The following BASP1 variants were observed in gnomAD, a reference collection of about 807,000 sequenced individuals.
BASP1 encodes the protein brain acid soluble protein 1.
A neutral mutation model predicts 2.2 loss-of-function variants in BASP1; 1 was observed. That is an observed-to-expected ratio of 0.46 (90% CI 0.16 to 2.17). BASP1 has a LOEUF of 2.17. BASP1 is among the 30% of genes most tolerant of loss of function. BASP1 has a pLI of 0.27. For missense variants in BASP1, 352 were observed against 327.2 expected (o/e 1.08, Z -0.58); for synonymous variants, 187 against 154.2 (o/e 1.21, Z -1.58).
chr5:17,273,509 C>T (rs1740571734), intron 1 of BASP1, among the ~76,000 whole-genome samples: 1 of 152,130 alleles, frequency 6.6e-6, no homozygotes, highest in South Asian at 2.1e-4. Flanking sequence ...CTTCCCCCAA[C>T]TACTGAAGTC....
chr5:17,268,366 A>C (rs961229477), intron 1 of BASP1, among the ~76,000 whole-genome samples: 2 of 152,202 alleles, frequency 1.3e-5, no homozygotes, highest in African/African-American at 4.8e-5. Context: ...ATTTTAATAC[A>C]GTAGGCTGTG....
intron 1 of BASP1, among the ~76,000 whole-genome samples, chr5:17,247,044 G>T (rs1010647): frequency 0.036 from 5,485 of 152,204 alleles, 179 homozygotes; most frequent in Admixed American, 0.098. Flanking sequence ...AAAAATAGCT[G>T]GGCATGGTGG....
chr5:17,243,166 T>TTTTA (rs1192801577), intron 1 of BASP1, among the ~76,000 whole-genome samples: 59 of 151,752 alleles, frequency 3.9e-4, no homozygotes, highest in African/African-American at 1.4e-3. Context: ...TTTTTTTTTT[T>TTTTA]AAGAGGGAGT....
At chr5:17,265,999 A>C (rs298593) in intron 1 of BASP1, among the ~76,000 whole-genome samples, 126,171 of 152,162 alleles carry the variant, frequency 0.83, 52,617 homozygotes, top group African/African-American at 0.91. Context: ...CTGCTGAAGA[A>C]CAGGTCAGCT....
At chr5:17,242,405 G>A (rs536456090) in intron 1 of BASP1, among the ~76,000 whole-genome samples, 7 of 151,422 alleles carry the variant, frequency 4.6e-5, no homozygotes, top group South Asian at 4.2e-4. Flanking sequence ...GTCTTGCGCC[G>A]CCCCCCACCC....
At chr5:17,227,258 C>T (rs1304531324) in intron 1 of BASP1, among the ~76,000 whole-genome samples, 9 of 151,680 alleles carry the variant, frequency 5.9e-5, no homozygotes, top group Admixed American at 2.0e-4. Flanking sequence ...CTCACTCTGT[C>T]GCCCAGGCTG....
At chr5:17,234,599 A>T (rs1337435224) in intron 1 of BASP1, among the ~76,000 whole-genome samples, 1 of 152,178 alleles carries the variant, frequency 6.6e-6, no homozygotes, top group East Asian at 1.9e-4. Context: ...TGTGAATGTG[A>T]CGTGGGAACA....
intron 1 of BASP1, among the ~76,000 whole-genome samples, chr5:17,272,341 A>G (rs1371681195): frequency 5.9e-5 from 9 of 152,064 alleles, no homozygotes; most frequent in African/African-American, 9.7e-5. Context: ...AGTTCCTTCT[A>G]TCCCCTCTGT....
At chr5:17,225,029 C>G (rs1291483628) in intron 1 of BASP1, among the ~76,000 whole-genome samples, 1 of 152,186 alleles carries the variant, frequency 6.6e-6, no homozygotes, top group Non-Finnish European at 1.5e-5. Flanking sequence ...GGTTTAAAAG[C>G]TCATGACTAA....
At position 17,276,092 on chromosome 5, in the gene BASP1, T is replaced by TTGTG; in HGVS notation, c.*192_*193insTGTG. On this transcript the variant is annotated 3_prime_UTR_variant, in exon 2 of 2. Coordinates refer to ENST00000322611, the MANE Select transcript of BASP1 (RefSeq NM_006317.5). ...TTGCCCAAGGAAAAATACAGGATGT[T>TTGTG]GTCCCATCAAGGGAGGGAGGGGGTG... 1 of 386,658 alleles carries TTGTG rather than the reference T, an allele frequency of 2.6e-6. No individual in the cohort carries two copies. Among genetic ancestry groups the TTGTG allele is most frequent in the East Asian group, 4.4e-5 (1 of 22,972 alleles). 24.0% of individuals were successfully genotyped at this position (386,658 alleles called of 1,614,324 possible). A position where few individuals can be genotyped will look rare whatever the true frequency, so the allele number is the denominator to read the frequency against.
intron 1 of BASP1, among the ~76,000 whole-genome samples, chr5:17,257,481 G>A (rs1561173683): frequency 6.6e-6 from 1 of 152,176 alleles, no homozygotes; most frequent in African/African-American, 2.4e-5. Context: ...TTAGGTAAAT[G>A]AAGGTAAAAT....
rs964761897 is a variant in BASP1 at position 17,275,437 on chromosome 5, A to T, written c.221A>T (p.Asp74Val). 1.3e-6 allele frequency: 2 copies of T among 1,529,554 alleles called. No individual in the cohort carries two copies. The highest frequency in any genetic ancestry group is 2.8e-5 in the African/African-American group (2 of 71,662). The allele number at this position is 1,529,554 out of a possible 1,614,324, so 94.7% of individuals were successfully genotyped here. ...GCCGAGGAGAAGGAGGGCGAGAAGG[A>T]CGCGGCGGCTGCCAAGGAGGAGGCC... ...GKAEEKEGEK[D>V]AAAAKEEAPK... The change falls in exon 2 of 2, where the codon GAC becomes GTC. Residue 74 changes from aspartate (D) to valine (V), a missense_variant. Physicochemically the swap from Asp to Val is radical, Grantham distance 152. Transcript: ENST00000322611. The surrounding 1 kb of genome is among the most constrained non-coding windows in gnomAD (Gnocchi z 5.3).
At chr5:17,263,892 G>C (rs298590) in intron 1 of BASP1, among the ~76,000 whole-genome samples, 127,522 of 152,214 alleles carry the variant, frequency 0.84, 53,858 homozygotes, top group African/African-American at 0.94. Flanking sequence ...GCACCTCTTA[G>C]GACAGTTTCC....
chr5:17,248,588 G>C (rs544317422), intron 1 of BASP1, among the ~76,000 whole-genome samples: 1 of 152,270 alleles, frequency 6.6e-6, no homozygotes, highest in South Asian at 2.1e-4. Flanking sequence ...TTTATCCAAA[G>C]ATTGGACATT....
intron 1 of BASP1, among the ~76,000 whole-genome samples, chr5:17,271,458 A>G (rs1676078773): frequency 6.6e-6 from 1 of 152,144 alleles, no homozygotes; most frequent in African/African-American, 2.4e-5. Context: ...TTTTTCTGAG[A>G]TGTCATAACA....
intron 1 of BASP1, among the ~76,000 whole-genome samples, chr5:17,220,329 GTTCT>G (rs949136626): frequency 2.0e-4 from 31 of 152,042 alleles, no homozygotes; most frequent in Non-Finnish European, 3.8e-4. Flanking sequence ...AGAGAGCTAC[GTTCT>G]TTCTTTTTTC....
chr5:17,273,018 G>A (rs1383883888), intron 1 of BASP1, among the ~76,000 whole-genome samples: 2 of 152,154 alleles, frequency 1.3e-5, no homozygotes, highest in South Asian at 2.1e-4. Flanking sequence ...CTAAGTTGGT[G>A]TATGGGTTTC....
At chr5:17,225,778 C>T (rs184613492) in intron 1 of BASP1, among the ~76,000 whole-genome samples, 259 of 152,198 alleles carry the variant, frequency 1.7e-3, no homozygotes, top group African/African-American at 5.9e-3. Flanking sequence ...CGATTTCTAG[C>T]GTTATCTGGC....
intron 1 of BASP1, among the ~76,000 whole-genome samples, chr5:17,267,044 GT>G (rs1396595726): frequency 6.6e-6 from 1 of 152,168 alleles, no homozygotes; most frequent in African/African-American, 2.4e-5. Flanking sequence ...TATCACATTA[GT>G]TTTCGAGAAT....
Sources: allele counts gnomAD v4.1 joint callset (sites outside exome capture counted in the v4.1 genomes callset), GRCh38; gene constraint gnomAD v4.1.1; non-coding constraint Gnocchi (gnomAD v3.1); transcripts MANE v1.5; gene names NCBI Gene and HGNC (gene_info 2026-07-23, HGNC 2026-07-21).